Variants in PCYT1B observed in about 807,000 individuals in gnomAD.
The protein encoded by PCYT1B is choline-phosphate cytidylyltransferase B.
A neutral mutation model predicts 26.4 loss-of-function variants in PCYT1B; 10 were observed. The observed-to-expected ratio is 0.38, with a 90% confidence interval of 0.23 to 0.64. The LOEUF is 0.64. Ranked by LOEUF, PCYT1B falls within the 30% of genes least tolerant of loss-of-function variation. The pLI, the probability that PCYT1B is intolerant of heterozygous loss-of-function variation, is 0.56. For synonymous variants in PCYT1B, 131 were observed against 108.4 expected, an observed-to-expected ratio of 1.21 and a Z score of -1.29; for missense variants, 161 against 292.7, an observed-to-expected ratio of 0.55 and a Z score of 3.28.
At chrX:24,656,281 T>A (rs1174731617) in intron 1 of PCYT1B, among the ~76,000 whole-genome samples, 1 of 107,133 alleles carries the variant, frequency 9.3e-6, no homozygotes, top group African/African-American at 3.4e-5. Context: ...GTTTTATTAT[T>A]AAAATTGATT....
intron 3 of PCYT1B, among the ~76,000 whole-genome samples, chrX:24,590,642 G>GAGAC (rs1161022509): frequency 9.0e-6 from 1 of 110,859 alleles, no homozygotes; most frequent in East Asian, 2.8e-4. Flanking sequence ...ACCCAAGTGT[G>GAGAC]AGACAGACAG....
chrX:24,653,234 A>T (rs1447523138), intron 1 of PCYT1B, among the ~76,000 whole-genome samples: 1 of 111,484 alleles, frequency 9.0e-6, no homozygotes, highest in Non-Finnish European at 1.9e-5. Flanking sequence ...TTTGGAGGAG[A>T]TGCTGTCTGA....
Position 24,590,181 on chromosome X carries a change from C to G in PCYT1B, c.335-7G>C. 1 of 1,205,227 alleles carries G rather than the reference C, an allele frequency of 8.3e-7. No homozygotes were observed. The highest frequency in any genetic ancestry group is 3.0e-5 in the East Asian group (1 of 33,710). ...GTGAGATCATCACTGCAAACTAAAA[C>G]AGGCAAATGCATTAAATGCCATTAC... is the stretch of plus-strand genomic sequence containing the variant. On this transcript the variant is annotated splice_region_variant and splice_polypyrimidine_tract_variant and intron_variant, in intron 3 of 7. Transcript: ENST00000379144.
rs180818485 is a variant in PCYT1B at position 24,591,669 on chromosome X, G to A, written c.335-1495C>T. On this transcript the variant is annotated intron_variant, in intron 3 of 7. Transcript: ENST00000379144. ...AACTCCTGACTGCAAGTGATCCACCGGTCTCAGCCTCCCAAAGTGTTGGGA... is the reference window on the plus strand; with the variant it reads ...AACTCCTGACTGCAAGTGATCCACCAGTCTCAGCCTCCCAAAGTGTTGGGA... Among the ~76,000 whole-genome samples, 7 of 110,922 alleles carry A rather than the reference G, an allele frequency of 6.3e-5. No individual in the cohort carries two copies. The East Asian group carries it at 1.4e-3, about 22-fold the overall frequency.
intron 1 of PCYT1B, among the ~76,000 whole-genome samples, chrX:24,627,420 G>A (rs998733529): frequency 1.1e-4 from 12 of 111,064 alleles, no homozygotes; most frequent in African/African-American, 1.6e-4. Context: ...TACAACCTCC[G>A]CCTCCTGGGT....
chrX:24,661,424 C>T (rs1297115968), intron 1 of PCYT1B, among the ~76,000 whole-genome samples: 3 of 111,966 alleles, frequency 2.7e-5, no homozygotes, highest in Non-Finnish European at 3.8e-5. Flanking sequence ...TGGGCTTAGG[C>T]ACTTAGCATC....
rs57624385 is a variant in PCYT1B at position 24,600,931 on chromosome X, C to CA, written c.334+6813dup. 2.0e-3 allele frequency among the ~76,000 whole-genome samples: 188 copies of CA among 92,363 alleles called. 1 individual carries two copies. Among genetic ancestry groups the CA allele is most frequent in the South Asian group, 6.1e-3 (12 of 1,952 alleles). 80.2% of individuals were successfully genotyped at this position (92,363 alleles called of 115,157 possible). On this transcript the variant is annotated intron_variant, in intron 3 of 7. Coordinates refer to ENST00000379144, the MANE Select transcript of PCYT1B (RefSeq NM_004845.5). ...AATGGAACAAATGGACATTCACATGCAAAAAAAAAAAAAAATTAATCTAGA... is the reference window on the plus strand; with the variant it reads ...AATGGAACAAATGGACATTCACATGCAAAAAAAAAAAAAAAATTAATCTAGA...
chrX:24,648,711 A>T (rs1926704356), upstream of PCYT1B, among the ~76,000 whole-genome samples: 1 of 109,810 alleles, frequency 9.1e-6, no homozygotes, highest in African/African-American at 3.3e-5. Context: ...CAGACCCCGG[A>T]CCTGATTCAG....
At chrX:24,595,091 A>G (rs1291679784) in intron 3 of PCYT1B, among the ~76,000 whole-genome samples, 2 of 109,352 alleles carry the variant, frequency 1.8e-5, no homozygotes, top group Non-Finnish European at 3.8e-5. Flanking sequence ...CTATTCCTTC[A>G]GATTTTGTGT....
chrX:24,621,172 A>G (rs1344879650), intron 1 of PCYT1B, among the ~76,000 whole-genome samples: 2 of 111,837 alleles, frequency 1.8e-5, no homozygotes, highest in Non-Finnish European at 3.8e-5. Context: ...GAGGAAAGTC[A>G]TGAGTGACCC....
chrX:24,564,550 C>A (rs1923558314), intron 7 of PCYT1B, among the ~76,000 whole-genome samples: 3 of 109,998 alleles, frequency 2.7e-5, no homozygotes, highest in Non-Finnish European at 5.7e-5. Context: ...GACGGGGTTT[C>A]ACCGTGTTAG....
At chrX:24,602,700 A>C (rs1925006075) in intron 3 of PCYT1B, among the ~76,000 whole-genome samples, 1 of 112,529 alleles carries the variant, frequency 8.9e-6, no homozygotes. Flanking sequence ...AATAAAGTTT[A>C]TTAATTTTTA....
chrX:24,668,501 A>G (rs1927173227), intron 1 of PCYT1B, among the ~76,000 whole-genome samples: 1 of 111,429 alleles, frequency 9.0e-6, no homozygotes, highest in African/African-American at 3.3e-5. Flanking sequence ...TCTGTCAGTC[A>G]ATCAGCAGAT....
At chrX:24,626,925 A>T (rs908338468) in intron 1 of PCYT1B, among the ~76,000 whole-genome samples, 1 of 112,178 alleles carries the variant, frequency 8.9e-6, no homozygotes, top group Non-Finnish European at 1.9e-5. Context: ...ACAAGCAACA[A>T]AAAAGAACAT....
Position 24,562,062 on chromosome X carries a change from T to C in PCYT1B, c.*231A>G. 8.3e-7 allele frequency: 1 copy of C among 1,202,760 alleles called. No individual in the cohort carries two copies. Among genetic ancestry groups the C allele is most frequent in the Non-Finnish European group, 1.1e-6 (1 of 887,518 alleles). ...GCAAGGTTAGAGTGACTCTAGACGC[T>C]AAGGTTTGTGTAGGTTGTCCAGCTA... On this transcript the variant is annotated 3_prime_UTR_variant, in exon 8 of 8. Transcript: ENST00000379144.
intron 1 of PCYT1B, among the ~76,000 whole-genome samples, chrX:24,625,345 G>A (rs901692634): frequency 9.0e-6 from 1 of 111,436 alleles, no homozygotes; most frequent in Admixed American, 9.6e-5. Flanking sequence ...CTTATTTATT[G>A]TGGAGTCAGA....
intron 7 of PCYT1B, among the ~76,000 whole-genome samples, chrX:24,567,811 T>A (rs886188525): frequency 1.8e-5 from 2 of 110,301 alleles, no homozygotes; most frequent in African/African-American, 6.6e-5. Context: ...TACCTGGGCA[T>A]GGTGGCGGGT....
At chrX:24,582,062 G>A (rs1924223331) in intron 5 of PCYT1B, among the ~76,000 whole-genome samples, 3 of 112,173 alleles carry the variant, frequency 2.7e-5, no homozygotes, top group Admixed American at 9.4e-5. Flanking sequence ...CTAAACACAC[G>A]AACATAAATA....
At chrX:24,574,672 A>G (rs1312133171) in intron 7 of PCYT1B, among the ~76,000 whole-genome samples, 1 of 111,803 alleles carries the variant, frequency 8.9e-6, no homozygotes. Context: ...TGACTGACAG[A>G]GTACATTTCT....
Sources: gnomAD v4.1 joint callset for allele counts (sites outside exome capture counted in the v4.1 genomes callset) on GRCh38, gnomAD v4.1.1 for gene constraint, MANE v1.5 for transcripts, NCBI Gene and HGNC (gene_info 2026-07-23, HGNC 2026-07-21) for gene names.